Variants in TTC1 observed in about 807,000 individuals in gnomAD.
TTC1 encodes tetratricopeptide repeat protein 1.
TTC1 carries 31 observed loss-of-function variants against 37.6 expected under a neutral mutation model. The observed-to-expected ratio is 0.82, with a 90% confidence interval of 0.62 to 1.11. TTC1 has a LOEUF of 1.11. Ranked by LOEUF, TTC1 falls within the 50% of genes most tolerant of loss-of-function variation. The pLI is 0.00. For synonymous variants in TTC1, 127 were observed against 122.4 expected, an observed-to-expected ratio of 1.04 and a Z score of -0.25; for missense variants, 351 against 339.0, an observed-to-expected ratio of 1.04 and a Z score of -0.28.
chr5:160,057,544 G>A lies in TTC1; in HGVS notation c.745+6361G>A, dbSNP rs1396173816. Among the ~76,000 whole-genome samples the A allele has an allele frequency of 1.3e-5, 2 of 152,230 alleles. No individual in the cohort carries two copies. The highest frequency in any genetic ancestry group is 2.9e-5 in the Non-Finnish European group (2 of 68,042). ...ACGTGGATGGTTGCTGACTGATCAG[G>A]TTGGTAGTTGCTAAACATTGGGGTG... is the stretch of plus-strand genomic sequence containing the variant. On this transcript the variant is annotated intron_variant, in intron 7 of 7. Transcript: ENST00000231238. This position sits in a 1 kb window ranked among gnomAD's most constrained non-coding sequence, Gnocchi z 4.4.
intron 4 of TTC1, among the ~76,000 whole-genome samples, chr5:160,040,638 G>A (rs376985719): frequency 2.6e-5 from 4 of 152,072 alleles, no homozygotes; most frequent in South Asian, 2.1e-4. Flanking sequence ...GAGTGCAATG[G>A]CACAGTCATC....
intron 4 of TTC1, 97 bp from the exon 5 acceptor site, chr5:160,043,036 C>T: frequency 7.9e-7 from 1 of 1,259,038 alleles, no homozygotes; most frequent in Non-Finnish European, 1.1e-6. Flanking sequence ...TTCTGTATCT[C>T]CATAAGCAGT....
At chr5:160,031,211 A>C (rs1176889391) in intron 2 of TTC1, among the ~76,000 whole-genome samples, 1 of 152,176 alleles carries the variant, frequency 6.6e-6, no homozygotes, top group Non-Finnish European at 1.5e-5. Context: ...TGATAATTGC[A>C]TTACTCTTAA....
chr5:160,040,854 C>T (rs1292250303), intron 4 of TTC1, among the ~76,000 whole-genome samples: 2 of 151,948 alleles, frequency 1.3e-5, no homozygotes, highest in African/African-American at 4.8e-5. Context: ...AAGTGGTCCT[C>T]CTGCTTTAGC....
intron 2 of TTC1, among the ~76,000 whole-genome samples, chr5:160,020,416 G>T (rs1289604373): frequency 6.6e-6 from 1 of 152,204 alleles, no homozygotes; most frequent in African/African-American, 2.4e-5. Context: ...TGCCTGGCCT[G>T]ATGCTAAGTT....
intron 6 of TTC1, among the ~76,000 whole-genome samples, chr5:160,050,268 A>G (rs534790816): frequency 1.3e-5 from 2 of 152,182 alleles, no homozygotes; most frequent in African/African-American, 4.8e-5. Flanking sequence ...ACCAACATGG[A>G]GAAACCCTGT....
intron 7 of TTC1, among the ~76,000 whole-genome samples, chr5:160,060,337 A>G (rs566955681): frequency 6.6e-6 from 1 of 152,222 alleles, no homozygotes; most frequent in Non-Finnish European, 1.5e-5. Flanking sequence ...GTGATATGCT[A>G]CTTGGCAGAG....
intron 4 of TTC1, chr5:160,039,008 T>C (rs1248269943): frequency 6.6e-6 from 1 of 152,234 alleles, no homozygotes; most frequent in African/African-American, 2.4e-5. Flanking sequence ...ATGAGAGACT[T>C]GATAACTTCT....
chr5:160,041,997 TCAACTTA>T (rs1294172488), intron 4 of TTC1, among the ~76,000 whole-genome samples: 1 of 152,174 alleles, frequency 6.6e-6, no homozygotes, highest in Non-Finnish European at 1.5e-5. Flanking sequence ...TGTCGTGAAC[TCAACTTA>T]CTGCAATCTC....
intron 7 of TTC1, among the ~76,000 whole-genome samples, chr5:160,056,097 G>T (rs189019345): frequency 9.8e-5 from 15 of 152,306 alleles, no homozygotes; most frequent in Middle Eastern, 3.4e-3. Context: ...TTAACCAAGA[G>T]CTGCCAGGTG....
chr5:160,018,630 G>A (rs1188344250), intron 2 of TTC1, among the ~76,000 whole-genome samples: 3 of 152,210 alleles, frequency 2.0e-5, no homozygotes, highest in African/African-American at 4.8e-5. Flanking sequence ...TTCCTAAGCC[G>A]TAGTAAAGAA....
chr5:160,022,115 C>T (rs1479974513), intron 2 of TTC1, among the ~76,000 whole-genome samples: 3 of 152,194 alleles, frequency 2.0e-5, no homozygotes, highest in Non-Finnish European at 4.4e-5. Flanking sequence ...TGAGCACATG[C>T]TTACCATAGG....
At chr5:160,026,643 A>G (rs1182322074) in intron 2 of TTC1, among the ~76,000 whole-genome samples, 1 of 152,154 alleles carries the variant, frequency 6.6e-6, no homozygotes, top group Non-Finnish European at 1.5e-5. Flanking sequence ...CTGTTTACAC[A>G]GTATCTTTTT....
intron 2 of TTC1, among the ~76,000 whole-genome samples, chr5:160,017,682 T>A (rs1423098972): frequency 6.6e-6 from 1 of 152,206 alleles, no homozygotes; most frequent in Admixed American, 6.5e-5. Flanking sequence ...CATGTGTAAA[T>A]TTCCTAGGTA....
intron 2 of TTC1, among the ~76,000 whole-genome samples, chr5:160,013,680 T>C (rs1581091139): frequency 2.0e-5 from 3 of 150,616 alleles, no homozygotes; most frequent in African/African-American, 7.3e-5. Flanking sequence ...GAGATGGAGG[T>C]TATAGTGAGC....
At chr5:160,047,504 C>T (rs1306653335) in intron 5 of TTC1, among the ~76,000 whole-genome samples, 3 of 152,210 alleles carry the variant, frequency 2.0e-5, no homozygotes, top group Non-Finnish European at 4.4e-5. Flanking sequence ...TGGACCACTG[C>T]ATTAGCTTTC....
intron 2 of TTC1, among the ~76,000 whole-genome samples, chr5:160,024,657 C>G (rs1756770002): frequency 6.6e-6 from 1 of 150,476 alleles, no homozygotes; most frequent in Non-Finnish European, 1.5e-5. Context: ...CCATCACACC[C>G]AGCTAAATTT....
intron 2 of TTC1, among the ~76,000 whole-genome samples, chr5:160,033,373 T>C (rs182540355): frequency 6.6e-6 from 1 of 152,238 alleles, no homozygotes; most frequent in Non-Finnish European, 1.5e-5. Context: ...TACTTACCTT[T>C]TAGTTTCCTC....
chr5:160,018,875 G>A (rs940720699), intron 2 of TTC1, among the ~76,000 whole-genome samples: 2 of 152,136 alleles, frequency 1.3e-5, no homozygotes, highest in Non-Finnish European at 2.9e-5. Context: ...GTATGATTTT[G>A]GGATATATTT....
Sources: gnomAD v4.1 joint callset for allele counts (sites outside exome capture counted in the v4.1 genomes callset) on GRCh38, gnomAD v4.1.1 for gene constraint, Gnocchi (gnomAD v3.1) non-coding constraint, MANE v1.5 for transcripts, NCBI Gene and HGNC (gene_info 2026-07-23, HGNC 2026-07-21) for gene names.